Variants in NOL4 observed in about 807,000 individuals in gnomAD.
NOL4 encodes the protein cancer/testis antigen 125.
Under a neutral mutation model 75.9 loss-of-function variants are expected in NOL4, and 17 were observed. The ratio of observed to expected loss-of-function variants is 0.22; its 90% confidence interval spans 0.15 to 0.34. NOL4 has a LOEUF of 0.34. Ranked by LOEUF, NOL4 falls within the 10% of genes least tolerant of loss-of-function variation. The pLI is 1.00. For synonymous variants in NOL4, 292 were observed against 289.9 expected (o/e 1.01, Z -0.07); for missense variants, 614 against 793.5 (o/e 0.77, Z 2.72).
chr18:34,170,766 C>T (rs2032955129), intron 1 of NOL4, among the ~76,000 whole-genome samples: 1 of 152,046 alleles, frequency 6.6e-6, no homozygotes, highest in African/African-American at 2.4e-5. Context: ...AAAAATGATC[C>T]TCAAATCTTG....
Position 33,853,022 on chromosome 18 carries a change from G to A in NOL4, c.1737C>T (p.Leu579=). 6.2e-7 allele frequency: 1 copy of A among 1,610,672 alleles called. No individual in the cohort carries two copies. The highest frequency in any genetic ancestry group is 8.5e-7 in the Non-Finnish European group (1 of 1,178,436). The stretch of plus-strand genomic sequence containing the variant: ...TAGTCGCCAATTGTCTCTTCATGCT[G>A]AGATCAGTGGGTCCTAGAAAGAAAA... The part of the protein sequence containing the change: ...NDASSSGPTD[L]SMKRQLATSS... Residue 579 remains leucine, a synonymous_variant, in exon 11 of 11, where the codon CTC becomes CTT. Transcript: ENST00000261592.
chr18:33,946,974 G>A (rs963373959), intron 8 of NOL4, among the ~76,000 whole-genome samples: 3 of 151,604 alleles, frequency 2.0e-5, no homozygotes, highest in African/African-American at 7.3e-5. Flanking sequence ...AGGCAATCAT[G>A]CTAAAAATCT....
chr18:34,174,821 T>G (rs1263356606), intron 1 of NOL4, among the ~76,000 whole-genome samples: 2 of 152,196 alleles, frequency 1.3e-5, no homozygotes, highest in Non-Finnish European at 2.9e-5. Context: ...AATGATGGTT[T>G]CCAGCTTCAT....
intron 1 of NOL4, among the ~76,000 whole-genome samples, chr18:34,152,975 T>C (rs1489802422): frequency 6.6e-6 from 1 of 151,878 alleles, no homozygotes; most frequent in Non-Finnish European, 1.5e-5. Flanking sequence ...AAGTAATCAA[T>C]AGTCAGGAAC....
intron 9 of NOL4, among the ~76,000 whole-genome samples, chr18:33,941,530 A>C (rs754636909): frequency 6.6e-6 from 1 of 151,880 alleles, no homozygotes; most frequent in African/African-American, 2.4e-5. Flanking sequence ...TAGTTAACTG[A>C]TATCAATACA....
intron 4 of NOL4, among the ~76,000 whole-genome samples, chr18:34,096,702 A>C (rs769170183): frequency 9.9e-5 from 15 of 152,184 alleles, no homozygotes; most frequent in Non-Finnish European, 2.2e-4. Flanking sequence ...CTAAAATCTC[A>C]TGATAATGAA....
chr18:34,174,696 G>T (rs1344410906), intron 1 of NOL4, among the ~76,000 whole-genome samples: 1 of 151,928 alleles, frequency 6.6e-6, no homozygotes, highest in African/African-American at 2.4e-5. Context: ...CCTCCCGACA[G>T]GCCCCGGTGT....
rs117753869 is a variant in NOL4 at position 34,081,131 on chromosome 18, T to C, written c.772+12334A>G. On this transcript the variant is annotated intron_variant, in intron 5 of 10. Coordinates refer to ENST00000261592, the MANE Select transcript of NOL4 (RefSeq NM_003787.5). ...TATGCCTAAGTGGTAACTGATTCTATTATTAACTTCTCAATTTACTAAACA... is the reference window on the plus strand; with the variant it reads ...TATGCCTAAGTGGTAACTGATTCTACTATTAACTTCTCAATTTACTAAACA... Among the ~76,000 whole-genome samples the C allele has an allele frequency of 9.0e-3, 1,369 of 152,332 alleles. 5 individuals carry two copies. Among genetic ancestry groups the C allele is most frequent in the Middle Eastern group, 0.037 (11 of 294 alleles).
intron 1 of NOL4, among the ~76,000 whole-genome samples, chr18:34,139,842 T>G (rs1264754530): frequency 6.6e-6 from 1 of 152,246 alleles, no homozygotes; most frequent in Non-Finnish European, 1.5e-5. Context: ...CTCTACACAC[T>G]GCTTTAAATG....
intron 9 of NOL4, among the ~76,000 whole-genome samples, chr18:33,919,744 A>G (rs1477638874): frequency 6.6e-6 from 1 of 152,180 alleles, no homozygotes; most frequent in Non-Finnish European, 1.5e-5. Context: ...CTCCAATTAG[A>G]GGATGTGTAC....
intron 5 of NOL4, among the ~76,000 whole-genome samples, chr18:34,031,232 C>A (rs76296692): frequency 6.6e-6 from 1 of 152,160 alleles, no homozygotes; most frequent in Non-Finnish European, 1.5e-5. Flanking sequence ...TTGTATCTAG[C>A]GCAGTGCTAG....
chr18:34,180,448 A>T (rs1432371476), intron 1 of NOL4, among the ~76,000 whole-genome samples: 1 of 151,556 alleles, frequency 6.6e-6, no homozygotes, highest in Non-Finnish European at 1.5e-5. Context: ...CATGACAAAA[A>T]AGCTCAACAA....
intron 8 of NOL4, among the ~76,000 whole-genome samples, chr18:33,953,130 G>T (rs1450563715): frequency 6.6e-6 from 1 of 151,404 alleles, no homozygotes; most frequent in Non-Finnish European, 1.5e-5. Context: ...TTTAAAATCT[G>T]GAAGCATTTA....
intron 1 of NOL4, among the ~76,000 whole-genome samples, chr18:34,200,660 A>G (rs565923546): frequency 6.6e-6 from 1 of 151,940 alleles, no homozygotes; most frequent in Admixed American, 6.6e-5. Flanking sequence ...CATATATTAC[A>G]TACAATATCT....
At chr18:33,983,556 T>C (rs575994316) in intron 6 of NOL4, among the ~76,000 whole-genome samples, 25 of 151,972 alleles carry the variant, frequency 1.6e-4, no homozygotes, top group Admixed American at 9.9e-4. Context: ...AAATATTAGG[T>C]ATATGTATGT....
chr18:33,855,296 C>T (rs1044373066), intron 10 of NOL4, among the ~76,000 whole-genome samples: 1 of 152,038 alleles, frequency 6.6e-6, no homozygotes, highest in Admixed American at 6.6e-5. Context: ...TGAGTGAATC[C>T]CATACTTGAC....
intron 5 of NOL4, among the ~76,000 whole-genome samples, chr18:34,078,095 A>T (rs2077830207): frequency 6.6e-6 from 1 of 152,142 alleles, no homozygotes; most frequent in South Asian, 2.1e-4. Context: ...ACTTTCTCTC[A>T]TTTTTAGATA....
chr18:34,215,823 T>C (rs1037951176), intron 1 of NOL4, among the ~76,000 whole-genome samples: 8 of 152,196 alleles, frequency 5.3e-5, no homozygotes, highest in African/African-American at 1.9e-4. Flanking sequence ...AAAACTTAAC[T>C]ACTAATAGTC....
chr18:34,061,560 A>T (rs1445754393), intron 5 of NOL4, among the ~76,000 whole-genome samples: 1 of 152,152 alleles, frequency 6.6e-6, no homozygotes, highest in African/African-American at 2.4e-5. Context: ...CATTCTTTCA[A>T]GGCACATATA....
Sources: gnomAD v4.1 joint callset for allele counts (sites outside exome capture counted in the v4.1 genomes callset) on GRCh38, gnomAD v4.1.1 for gene constraint, MANE v1.5 for transcripts, NCBI Gene and HGNC (gene_info 2026-07-23, HGNC 2026-07-21) for gene names.